The following MMS22L variants were observed in gnomAD, a reference collection of about 807,000 sequenced individuals.
MMS22L encodes protein MMS22-like.
In MMS22L, 74 loss-of-function variants were observed where a neutral mutation model predicts 159.1. The observed-to-expected ratio is 0.47, with a 90% CI of 0.39 to 0.56. MMS22L has a LOEUF of 0.56. Ranked by LOEUF, MMS22L falls within the 20% of genes least tolerant of loss-of-function variation. The probability of loss-of-function intolerance (pLI) is 0.00; values close to 1 mark genes in which losing one functional copy is unlikely to be tolerated. For missense variants in MMS22L, 1,351 were observed against 1,422.1 expected (o/e 0.95, Z 0.80); for synonymous variants, 517 against 506.9 (o/e 1.02, Z -0.27).
Position 97,145,024 on chromosome 6 carries a change from C to CACA in MMS22L, c.*1781_*1782insTGT, listed in dbSNP as rs1800851049. On this transcript the variant is annotated 3_prime_UTR_variant, in exon 25 of 25. Transcript: ENST00000683635. ...TCAATCTCCTTTGGAAAAAAAAAACCCACACACACACACACACACACACAC... is the reference window on the plus strand; with the variant it reads ...TCAATCTCCTTTGGAAAAAAAAAACCACACACACACACACACACACACACACAC... 1 of 67,552 alleles carries CACA rather than the reference C, an allele frequency of 1.5e-5. No individual in the cohort carries two copies. Among genetic ancestry groups the CACA allele is most frequent in the Non-Finnish European group, 3.0e-5 (1 of 33,064 alleles). 4.2% of individuals were successfully genotyped at this position (67,552 alleles called of 1,614,324 possible).
At chr6:97,261,513 T>A (rs1438190901) in intron 9 of MMS22L, 30 of 152,214 alleles carry the variant, frequency 2.0e-4, no homozygotes, top group Admixed American at 1.4e-3. Context: ...CTCTAGTTTA[T>A]CATGTATATA....
intron 4 of MMS22L, among the ~76,000 whole-genome samples, chr6:97,277,433 A>G (rs1230977124): frequency 3.9e-5 from 6 of 151,980 alleles, no homozygotes; most frequent in African/African-American, 1.5e-4. Context: ...TAATAATAAT[A>G]AATAATAATG....
At chr6:97,231,126 C>A in intron 13 of MMS22L, 1 of 237,742 alleles carries the variant, frequency 4.2e-6, no homozygotes, top group Non-Finnish European at 8.3e-6. Flanking sequence ...CATTAGTTAT[C>A]TGGTTCTACT....
At chr6:97,272,407 A>G in intron 6 of MMS22L, 1 of 236,408 alleles carries the variant, frequency 4.2e-6, no homozygotes, top group African/African-American at 2.3e-5. Flanking sequence ...ACTGTCATAA[A>G]TCAAGAGAAT....
intron 2 of MMS22L, among the ~76,000 whole-genome samples, chr6:97,281,581 TAA>T (rs1177288952): frequency 1.3e-5 from 2 of 152,200 alleles, no homozygotes; most frequent in Non-Finnish European, 2.9e-5. Flanking sequence ...TAATGTAACT[TAA>T]GAGGAAAAAT....
intron 14 of MMS22L, among the ~76,000 whole-genome samples, chr6:97,211,706 G>A (rs11968999): frequency 0.011 from 1,663 of 152,120 alleles, 32 homozygotes; most frequent in African/African-American, 0.038. Context: ...CCTAATGTCA[G>A]AAGTAGAAAA....
chr6:97,277,142 C>T (rs1168016694), intron 4 of MMS22L, among the ~76,000 whole-genome samples: 4 of 152,152 alleles, frequency 2.6e-5, no homozygotes, highest in Non-Finnish European at 5.9e-5. Context: ...AGTCCAGGCA[C>T]GGTGGCTCAC....
chr6:97,262,668 A>AG (rs1374867625), intron 9 of MMS22L, among the ~76,000 whole-genome samples: 3 of 151,760 alleles, frequency 2.0e-5, no homozygotes, highest in East Asian at 3.9e-4. Context: ...AAAAAAAAAA[A>AG]AAAAAAAAGA....
chr6:97,194,008 A>G (rs902279564), intron 14 of MMS22L, among the ~76,000 whole-genome samples: 1 of 151,588 alleles, frequency 6.6e-6, no homozygotes, highest in African/African-American at 2.4e-5. Context: ...TGATCTGCCC[A>G]CCTTGGCCTC....
chr6:97,247,089 C>A (rs1399072905), intron 10 of MMS22L, among the ~76,000 whole-genome samples: 1 of 148,334 alleles, frequency 6.7e-6, no homozygotes, highest in Non-Finnish European at 1.5e-5. Flanking sequence ...AGAGCTTTTT[C>A]CTTCATTTTG....
rs538064614 is a variant in MMS22L, at chr6:97,174,571, A to C, written c.2680-1349T>G. The stretch of plus-strand genomic sequence containing the variant: ...TCTAATTATGGTGAATAGGGAAGGA[A>C]GTGAGGCCTTGGGAGAATGTTGTCC... On this transcript the variant is annotated intron_variant, in intron 18 of 24. Transcript: ENST00000683635. 1.3e-4 allele frequency among the ~76,000 whole-genome samples: 20 copies of C among 152,216 alleles called. No individual in the cohort carries two copies. In the South Asian group the frequency reaches 3.1e-3, roughly 24 times the overall value.
intron 14 of MMS22L, among the ~76,000 whole-genome samples, chr6:97,196,280 G>A (rs928947956): frequency 5.3e-5 from 8 of 152,084 alleles, no homozygotes; most frequent in African/African-American, 1.9e-4. Context: ...GAGAAGACAT[G>A]CCATTACCTG....
intron 14 of MMS22L, among the ~76,000 whole-genome samples, chr6:97,213,613 T>C (rs758876640): frequency 2.4e-4 from 36 of 152,176 alleles, no homozygotes; most frequent in Non-Finnish European, 4.1e-4. Context: ...TTTCATCTTC[T>C]ACTACATATA....
chr6:97,167,359 T>C (rs965941562), intron 20 of MMS22L, among the ~76,000 whole-genome samples: 19 of 152,266 alleles, frequency 1.2e-4, no homozygotes, highest in African/African-American at 4.6e-4. Context: ...CAAATGTTTT[T>C]GAAATCTGCT....
In MMS22L at chr6:97,231,526, ATTTATATAG is replaced by A; in HGVS notation, c.1420_1428del (p.Leu474_Lys476del). On this transcript the variant is annotated inframe_deletion, in exon 13 of 25. Transcript: ENST00000683635. ...AGAAAAATAGTATAACTACTGCTGG[ATTTATATAG>A]TTCCTGATCTTGTTTATCGCAACAG... The A allele has an allele frequency of 6.2e-7, 1 of 1,613,792 alleles. No individual in the cohort carries two copies. Among genetic ancestry groups the A allele is most frequent in the South Asian group, 1.1e-5 (1 of 91,070 alleles).
chr6:97,236,472 T>G (rs1242884576), intron 11 of MMS22L, among the ~76,000 whole-genome samples: 1 of 152,086 alleles, frequency 6.6e-6, no homozygotes, highest in East Asian at 1.9e-4. Context: ...GAATGTATGA[T>G]TTTCTCTCAC....
In MMS22L at chr6:97,219,928, T is replaced by C. The variant is rs529493760; in HGVS notation, c.2039+8966A>G. 1.6e-4 allele frequency among the ~76,000 whole-genome samples: 24 copies of C among 152,264 alleles called. No homozygotes were observed. In the South Asian group the frequency reaches 5.0e-3, roughly 32 times the overall value. On this transcript the variant is annotated intron_variant, in intron 14 of 24. Coordinates refer to ENST00000683635, the MANE Select transcript of MMS22L (RefSeq NM_001350599.2). ...TTCCATTCTCCTCAAATACCTCTAG[T>C]TTTTTCTTTTTCTATACTCTGCCAT...
At chr6:97,206,239 T>A (rs915817206) in intron 14 of MMS22L, among the ~76,000 whole-genome samples, 4 of 152,014 alleles carry the variant, frequency 2.6e-5, no homozygotes, top group Non-Finnish European at 2.9e-5. Flanking sequence ...TTTATTGAAA[T>A]GATTTTTAAT....
chr6:97,188,297 G>A (rs1236373287), intron 14 of MMS22L, among the ~76,000 whole-genome samples: 2 of 152,080 alleles, frequency 1.3e-5, no homozygotes, highest in Non-Finnish European at 2.9e-5. Context: ...ATAACTTATG[G>A]TACTTGAGTA....
Sources: gnomAD v4.1 joint callset for allele counts (sites outside exome capture counted in the v4.1 genomes callset) on GRCh38, gnomAD v4.1.1 for gene constraint, MANE v1.5 for transcripts, NCBI Gene and HGNC (gene_info 2026-07-23, HGNC 2026-07-21) for gene names.